COL21A1: variants seen among roughly 807,000 people sequenced by gnomAD.
The protein encoded by COL21A1 is collagen alpha-1(XXI) chain.
In COL21A1, 149 loss-of-function variants were observed where a neutral mutation model predicts 137.9. The ratio of observed to expected loss-of-function variants is 1.08; its 90% CI spans 0.95 to 1.24. The LOEUF (loss-of-function observed/expected upper bound fraction) is 1.24. Ranked by LOEUF, COL21A1 falls within the 50% of genes most tolerant of loss-of-function variation. The pLI, the probability that COL21A1 is intolerant of heterozygous loss-of-function variation, is 0.00. For synonymous variants in COL21A1, 456 were observed against 391.5 expected (o/e 1.16, Z -1.95); for missense variants, 1,167 against 1,158.4 (o/e 1.01, Z -0.11).
At chr6:56,345,610 C>T (rs1382985886) in intron 1 of COL21A1, among the ~76,000 whole-genome samples, 1 of 152,198 alleles carries the variant, frequency 6.6e-6, no homozygotes, top group Non-Finnish European at 1.5e-5. Flanking sequence ...AACGTACACA[C>T]GCCTGATCGC....
At chr6:56,384,417 TA>T (rs2094014088) in intron 1 of COL21A1, among the ~76,000 whole-genome samples, 1 of 152,222 alleles carries the variant, frequency 6.6e-6, no homozygotes, top group South Asian at 2.1e-4. Context: ...TATCTCCTTC[TA>T]ATTGTCCTTA....
chr6:56,073,470 G>T (rs1448355894), intron 20 of COL21A1, among the ~76,000 whole-genome samples: 2 of 151,474 alleles, frequency 1.3e-5, no homozygotes, highest in East Asian at 2.0e-4. Flanking sequence ...ATATGCCAGG[G>T]TCTATTCCCC....
chr6:56,252,555 G>T (rs1782878733), upstream of COL21A1, among the ~76,000 whole-genome samples: 1 of 152,170 alleles, frequency 6.6e-6, no homozygotes, highest in Non-Finnish European at 1.5e-5. Flanking sequence ...CAGAGACCAG[G>T]TATCAGGAAC....
chr6:56,082,187 A>C (rs530845206), intron 17 of COL21A1, among the ~76,000 whole-genome samples: 2 of 152,106 alleles, frequency 1.3e-5, no homozygotes, highest in South Asian at 4.1e-4. Context: ...CTGGAGAGGA[A>C]GGGAAAGGAT....
At chr6:56,280,591 A>G (rs1315385750) in intron 1 of COL21A1, among the ~76,000 whole-genome samples, 1 of 152,236 alleles carries the variant, frequency 6.6e-6, no homozygotes, top group East Asian at 1.9e-4. Flanking sequence ...AGAAAGGAAG[A>G]AAGATGGAAA....
intron 1 of COL21A1, among the ~76,000 whole-genome samples, chr6:56,297,009 C>G (rs1389657577): frequency 6.6e-6 from 1 of 152,046 alleles, no homozygotes; most frequent in Non-Finnish European, 1.5e-5. Flanking sequence ...TCTTTACCCA[C>G]TTATTTAAAT....
intron 1 of COL21A1, among the ~76,000 whole-genome samples, chr6:56,284,825 A>T (rs1023132765): frequency 6.6e-6 from 1 of 152,012 alleles, no homozygotes; most frequent in Non-Finnish European, 1.5e-5. Flanking sequence ...CAAATAACTT[A>T]CCTTTCTCCA....
chr6:56,316,516 C>T (rs1317328686), intron 1 of COL21A1, among the ~76,000 whole-genome samples: 1 of 100,786 alleles, frequency 9.9e-6, no homozygotes, highest in African/African-American at 3.7e-5. Flanking sequence ...GAGTCTGTCT[C>T]TGTTACCCAG....
intron 25 of COL21A1, 97 bp from the exon 26 acceptor site, chr6:56,061,134 C>T: frequency 1.0e-6 from 1 of 984,418 alleles, no homozygotes; most frequent in Non-Finnish European, 1.4e-6. Flanking sequence ...TGCATGTATA[C>T]ATATGTAAAT....
intron 1 of COL21A1, among the ~76,000 whole-genome samples, chr6:56,237,756 C>T (rs114689163): frequency 1.3e-5 from 2 of 152,118 alleles, no homozygotes; most frequent in African/African-American, 4.8e-5. Context: ...AACACACATA[C>T]ATAAATGGCT....
intron 1 of COL21A1, among the ~76,000 whole-genome samples, chr6:56,296,078 T>C (rs917185737): frequency 1.3e-5 from 2 of 151,954 alleles, no homozygotes; most frequent in Middle Eastern, 3.2e-3. Context: ...TTTTTACAGA[T>C]GTTCTTTATC....
At chr6:56,309,909 T>C (rs1764569097) in intron 1 of COL21A1, among the ~76,000 whole-genome samples, 1 of 152,208 alleles carries the variant, frequency 6.6e-6, no homozygotes, top group African/African-American at 2.4e-5. Flanking sequence ...GATGGATGGA[T>C]GCACTGATTA....
At chr6:56,389,666 A>G (rs1211023899) in intron 1 of COL21A1, among the ~76,000 whole-genome samples, 3 of 152,228 alleles carry the variant, frequency 2.0e-5, no homozygotes, top group African/African-American at 7.2e-5. Context: ...GTCAAGGATA[A>G]AAGATCCTAA....
chr6:56,136,541 C>A (rs564055835), intron 12 of COL21A1, among the ~76,000 whole-genome samples: 1 of 152,228 alleles, frequency 6.6e-6, no homozygotes, highest in East Asian at 1.9e-4. Context: ...GCTTTCCAAA[C>A]CTTTCATGGC....
intron 17 of COL21A1, among the ~76,000 whole-genome samples, chr6:56,096,452 C>G (rs1199037726): frequency 6.6e-6 from 1 of 152,166 alleles, no homozygotes; most frequent in Non-Finnish European, 1.5e-5. Context: ...TATAATAAAT[C>G]TATCTGGTGT....
chr6:56,124,003 T>C (rs565540165), intron 16 of COL21A1, 59 bp downstream of exon 16: 8 of 1,372,972 alleles, frequency 5.8e-6, no homozygotes, highest in Non-Finnish European at 7.8e-6. Context: ...TTTTCTTATG[T>C]TTCCTCTCAA....
At chr6:56,254,571 A>G (rs564876632) in intron 1 of COL21A1, among the ~76,000 whole-genome samples, 1 of 152,356 alleles carries the variant, frequency 6.6e-6, no homozygotes, top group Non-Finnish European at 1.5e-5. Context: ...TTTTGAAGTT[A>G]ACTTATCAAT....
chr6:56,079,271 T>C (rs1445730754), intron 17 of COL21A1, among the ~76,000 whole-genome samples: 1 of 151,740 alleles, frequency 6.6e-6, no homozygotes, highest in African/African-American at 2.4e-5. Context: ...TCTGTCAATG[T>C]AATAACCTTG....
intron 1 of COL21A1, among the ~76,000 whole-genome samples, chr6:56,222,869 G>A (rs1780932813): frequency 6.6e-6 from 1 of 152,108 alleles, no homozygotes; most frequent in Non-Finnish European, 1.5e-5. Context: ...AGCCTACTTG[G>A]TGGCTTTGAC....
Sources: allele counts gnomAD v4.1 joint callset (sites outside exome capture counted in the v4.1 genomes callset), GRCh38; gene constraint gnomAD v4.1.1; transcripts MANE v1.5; gene names NCBI Gene and HGNC (gene_info 2026-07-23, HGNC 2026-07-21).